Variants in NACC2 observed in about 807,000 individuals in gnomAD.
NACC2 encodes the protein nucleus accumbens-associated protein 2.
In NACC2, 8 loss-of-function variants were observed where a neutral mutation model predicts 25.1. That is an observed-to-expected ratio of 0.32 (90% CI 0.19 to 0.57). The LOEUF (loss-of-function observed/expected upper bound fraction) is 0.57, where lower values mean the gene tolerates loss of function less well. Ranked by LOEUF, NACC2 falls within the 20% of genes least tolerant of loss-of-function variation. The probability of loss-of-function intolerance (pLI) is 0.89; values close to 1 mark genes in which losing one functional copy is unlikely to be tolerated. For synonymous variants in NACC2, 435 were observed against 294.7 expected (o/e 1.48, Z -4.88); for missense variants, 644 against 650.2 (o/e 0.99, Z 0.10).
intron 1 of NACC2, among the ~76,000 whole-genome samples, chr9:136,065,614 G>A (rs999910230): frequency 2.0e-5 from 3 of 151,556 alleles, no homozygotes; most frequent in East Asian, 3.9e-4. Context: ...AGCGAGACGC[G>A]GTTTCAGATA....
In NACC2 at chr9:136,018,574, T is replaced by TC. The variant is rs1036347526; in HGVS notation, c.887-2146dup. Among the ~76,000 whole-genome samples, 1 of 151,818 alleles carries TC rather than the reference T, an allele frequency of 6.6e-6. No homozygotes were observed. Among genetic ancestry groups the TC allele is most frequent in the African/African-American group, 2.4e-5 (1 of 41,284 alleles). On this transcript the variant is annotated intron_variant, in intron 2 of 5. Coordinates refer to ENST00000277554, the MANE Select transcript of NACC2 (RefSeq NM_144653.5). This position sits in a 1 kb window ranked among gnomAD's most constrained non-coding sequence, Gnocchi z 4.4. Reference sequence around the variant, plus strand: ...GCGTGGTACGCACTGCACCTGTCAGTCCCAGGAAGGGGAGCTTCCCAAGGC... The same window carrying TC: ...GCGTGGTACGCACTGCACCTGTCAGTCCCCAGGAAGGGGAGCTTCCCAAGGC...
chr9:136,032,090 C>T (rs558437930), intron 2 of NACC2, among the ~76,000 whole-genome samples: 1 of 145,618 alleles, frequency 6.9e-6, no homozygotes, highest in Non-Finnish European at 1.5e-5. Context: ...TGGGATCCCA[C>T]CGGCCTTTTC....
At chr9:136,039,074 G>C (rs1451040658) in intron 2 of NACC2, among the ~76,000 whole-genome samples, 1 of 152,108 alleles carries the variant, frequency 6.6e-6, no homozygotes, top group Non-Finnish European at 1.5e-5. Flanking sequence ...ACCATATGCC[G>C]TCTCTAAAAA....
intron 1 of NACC2, among the ~76,000 whole-genome samples, chr9:136,065,012 A>T (rs1358127134): frequency 3.3e-5 from 5 of 152,248 alleles, no homozygotes; most frequent in Non-Finnish European, 7.3e-5. Flanking sequence ...CATGCAAAAG[A>T]ATGAAGCAGG....
chr9:136,094,445 C>T (rs1830465901), intron 1 of NACC2, among the ~76,000 whole-genome samples: 1 of 152,322 alleles, frequency 6.6e-6, no homozygotes, highest in South Asian at 2.1e-4. Context: ...GAAACTCCGT[C>T]GGAAGGCCTC....
chr9:136,033,557 G>A (rs1384698065), intron 2 of NACC2, among the ~76,000 whole-genome samples: 2 of 150,422 alleles, frequency 1.3e-5, no homozygotes, highest in African/African-American at 4.9e-5. Flanking sequence ...GGCTGAGGCA[G>A]GAGAATCGCT....
chr9:136,091,224 C>T (rs780002314), intron 1 of NACC2, among the ~76,000 whole-genome samples: 3 of 152,236 alleles, frequency 2.0e-5, no homozygotes, highest in East Asian at 3.9e-4. Flanking sequence ...AGGCCAGCCC[C>T]AGCCGGCATG....
intron 1 of NACC2, among the ~76,000 whole-genome samples, chr9:136,089,317 C>A (rs56258735): frequency 6.6e-6 from 1 of 152,120 alleles, no homozygotes; most frequent in East Asian, 1.9e-4. Flanking sequence ...GAGGTCCCCA[C>A]GGCCCTAGGA....
In NACC2 at chr9:136,011,269, C is replaced by A. The variant is rs1840101586; in HGVS notation, c.*247G>T. ...AGGGAAGCTACACTTGGAGGCTGAC[C>A]TTGTGAATATCAAAAGGGAGCCCTG... On this transcript the variant is annotated 3_prime_UTR_variant, in exon 6 of 6. Transcript: ENST00000277554. The A allele has an allele frequency of 3.0e-6, 1 of 338,258 alleles. No homozygotes were observed. Among genetic ancestry groups the A allele is most frequent in the South Asian group, 1.5e-4 (1 of 6,840 alleles). The allele number at this position is 338,258 out of a possible 1,614,324, so 21.0% of individuals were successfully genotyped here.
rs927328072 is a variant in NACC2, at chr9:136,016,252, G to A, written c.1051+13C>T. Reference sequence around the variant, plus strand: ...ACATTTGCATACAATAGATGGGTGGGAGGCAGCCTCACCTGCCACCAGCTC... The same window carrying A: ...ACATTTGCATACAATAGATGGGTGGAAGGCAGCCTCACCTGCCACCAGCTC... On this transcript the variant is annotated intron_variant, in intron 3 of 5. Coordinates refer to ENST00000277554, the MANE Select transcript of NACC2 (RefSeq NM_144653.5). 4 of 1,612,430 alleles carry A rather than the reference G, an allele frequency of 2.5e-6. No homozygotes were observed. The highest frequency in any genetic ancestry group is 2.7e-5 in the African/African-American group (2 of 74,900).
chr9:136,091,651 T>G (rs1450278747), intron 1 of NACC2, among the ~76,000 whole-genome samples: 3 of 152,170 alleles, frequency 2.0e-5, no homozygotes, highest in Admixed American at 2.0e-4. Flanking sequence ...CAAGGGTGTG[T>G]GCTTCCAAAA....
chr9:136,054,450 G>A (rs1401671382), intron 1 of NACC2, among the ~76,000 whole-genome samples: 1 of 152,186 alleles, frequency 6.6e-6, no homozygotes, highest in Non-Finnish European at 1.5e-5. Context: ...TGCTTTCTTG[G>A]AAGGCTCAAG....
chr9:136,017,659 C>T (rs898236045), intron 2 of NACC2, among the ~76,000 whole-genome samples: 2 of 152,182 alleles, frequency 1.3e-5, no homozygotes, highest in East Asian at 1.9e-4. Flanking sequence ...GACACCAGTC[C>T]GGCACTCCTC....
intron 1 of NACC2, among the ~76,000 whole-genome samples, chr9:136,058,642 C>T (rs896619125): frequency 2.0e-5 from 3 of 152,216 alleles, no homozygotes; most frequent in African/African-American, 7.2e-5. Flanking sequence ...ATGCTCACCA[C>T]CTGAGTGACG....
intron 1 of NACC2, among the ~76,000 whole-genome samples, chr9:136,057,111 T>C (rs1029988829): frequency 3.3e-5 from 5 of 152,260 alleles, no homozygotes; most frequent in African/African-American, 9.6e-5. Flanking sequence ...CTGCGTCCGA[T>C]AGGGCCTTGT....
intron 2 of NACC2, among the ~76,000 whole-genome samples, chr9:136,033,149 C>T (rs186230856): frequency 1.3e-5 from 2 of 151,908 alleles, no homozygotes; most frequent in East Asian, 1.9e-4. Context: ...GCACTCCAGC[C>T]GGGGCAACAG....
At chr9:136,071,403 C>T (rs376263540) in intron 1 of NACC2, among the ~76,000 whole-genome samples, 4 of 151,862 alleles carry the variant, frequency 2.6e-5, no homozygotes, top group South Asian at 4.2e-4. Context: ...ATTAGTTGAG[C>T]GTGGAGGCAG....
intron 1 of NACC2, among the ~76,000 whole-genome samples, chr9:136,053,584 G>A (rs1470728685): frequency 6.6e-6 from 1 of 152,206 alleles, no homozygotes; most frequent in Admixed American, 6.5e-5. Flanking sequence ...AGCTCGGCAA[G>A]GGCTGAATGC....
chr9:136,048,158 T>G (rs1840757315), intron 2 of NACC2, among the ~76,000 whole-genome samples: 1 of 152,202 alleles, frequency 6.6e-6, no homozygotes, highest in Admixed American at 6.5e-5. Context: ...CCAGCCTGTC[T>G]GGGGTTCTGC....
Sources: allele counts gnomAD v4.1 joint callset (sites outside exome capture counted in the v4.1 genomes callset), GRCh38; gene constraint gnomAD v4.1.1; non-coding constraint Gnocchi (gnomAD v3.1); transcripts MANE v1.5; gene names NCBI Gene and HGNC (gene_info 2026-07-23, HGNC 2026-07-21).